PRKAR2B: variants seen among roughly 807,000 people sequenced by gnomAD.
PRKAR2B encodes cAMP-dependent protein kinase type II-beta regulatory subunit.
A neutral mutation model predicts 49.9 loss-of-function variants in PRKAR2B; 14 were observed. That is an observed-to-expected ratio of 0.28 (90% CI 0.19 to 0.44). PRKAR2B has a LOEUF of 0.44. PRKAR2B is among the 20% of genes least tolerant of loss of function. PRKAR2B has a pLI of 1.00. For synonymous variants in PRKAR2B, 196 were observed against 197.7 expected, an observed-to-expected ratio of 0.99 and a Z score of 0.07; for missense variants, 393 against 537.9, an observed-to-expected ratio of 0.73 and a Z score of 2.67.
intron 4 of PRKAR2B, among the ~76,000 whole-genome samples, chr7:107,140,036 A>G (rs933886081): frequency 6.6e-6 from 1 of 152,174 alleles, no homozygotes; most frequent in African/African-American, 2.4e-5. Context: ...ATTGTATTGT[A>G]TTATTTCCTC....
At chr7:107,057,774 AAC>A (rs1319297822) in intron 1 of PRKAR2B, among the ~76,000 whole-genome samples, 3 of 152,174 alleles carry the variant, frequency 2.0e-5, no homozygotes, top group East Asian at 1.9e-4. Flanking sequence ...GTTAAAAAAA[AAC>A]ACAACAAAAC....
chr7:107,045,328 C>A lies in PRKAR2B; in HGVS notation c.307+114C>A, dbSNP rs545473131. ...CGCACCCACCTCTCCCCGCATTCTCCACCTTTCCCTACCTTCCCATCTCGC... is the reference window on the plus strand; with the variant it reads ...CGCACCCACCTCTCCCCGCATTCTCAACCTTTCCCTACCTTCCCATCTCGC... On this transcript the variant is annotated intron_variant, in intron 1 of 10. Coordinates refer to ENST00000265717, the MANE Select transcript of PRKAR2B (RefSeq NM_002736.3). The A allele has an allele frequency of 2.0e-5, 18 of 920,490 alleles. No homozygotes were observed. The South Asian group carries it at 2.9e-4, about 15-fold the overall frequency. The allele number at this position is 920,490 out of a possible 1,614,324, so 57.0% of individuals were successfully genotyped here.
chr7:107,064,032 C>T (rs1357721482), intron 1 of PRKAR2B, among the ~76,000 whole-genome samples: 2 of 152,140 alleles, frequency 1.3e-5, no homozygotes, highest in Non-Finnish European at 2.9e-5. Context: ...TTGACAGTGG[C>T]GTTTCCCACT....
intron 2 of PRKAR2B, among the ~76,000 whole-genome samples, chr7:107,081,440 T>A (rs990006872): frequency 7.0e-6 from 1 of 143,070 alleles, no homozygotes; most frequent in African/African-American, 2.6e-5. Flanking sequence ...CCCAGCTACT[T>A]CTTTGGAGCT....
chr7:107,052,288 G>A (rs963423615), intron 1 of PRKAR2B, among the ~76,000 whole-genome samples: 3 of 152,068 alleles, frequency 2.0e-5, no homozygotes, highest in African/African-American at 4.8e-5. Flanking sequence ...GCGTGGTGGC[G>A]GGCGCCTTAA....
At chr7:107,083,181 C>T (rs965170789) in intron 2 of PRKAR2B, among the ~76,000 whole-genome samples, 3 of 150,242 alleles carry the variant, frequency 2.0e-5, no homozygotes, top group Non-Finnish European at 3.0e-5. Context: ...TGTGCTACTA[C>T]GCTCCAGCCT....
chr7:107,101,875 C>CTTTTTTTTTTTTTTTTTTTTTTTTTTT (rs10589473), intron 2 of PRKAR2B, among the ~76,000 whole-genome samples: 2 of 94,256 alleles, frequency 2.1e-5, no homozygotes, highest in Non-Finnish European at 4.0e-5. Flanking sequence ...AGCCCTGATC[C>CTTTTTTTTTTTTTTTTTTTTTTTTTTT]TTTTTTTTTT....
chr7:107,156,953 C>T (rs774668793), intron 8 of PRKAR2B, 31 bp from the exon 9 acceptor site: 1 of 1,563,676 alleles, frequency 6.4e-7, no homozygotes, highest in Non-Finnish European at 8.8e-7. Flanking sequence ...TTTGCATTTT[C>T]ACCGTCTGTT....
intron 6 of PRKAR2B, among the ~76,000 whole-genome samples, chr7:107,149,361 T>C (rs1795944288): frequency 2.0e-5 from 3 of 152,188 alleles, no homozygotes; most frequent in South Asian, 4.1e-4. Flanking sequence ...CAGACTGTTA[T>C]AGAATGGGTG....
intron 2 of PRKAR2B, among the ~76,000 whole-genome samples, chr7:107,084,928 A>G (rs1584419479): frequency 6.6e-6 from 1 of 152,004 alleles, no homozygotes; most frequent in Non-Finnish European, 1.5e-5. Flanking sequence ...CCCGGCCTAT[A>G]TACTTTTGAA....
At chr7:107,070,632 G>C (rs907177812) in intron 2 of PRKAR2B, among the ~76,000 whole-genome samples, 1 of 152,138 alleles carries the variant, frequency 6.6e-6, no homozygotes, top group African/African-American at 2.4e-5. Context: ...ATAGAATTAC[G>C]ATCTGTATGG....
chr7:107,068,820 T>A (rs1253062695), intron 1 of PRKAR2B: 2 of 152,234 alleles, frequency 1.3e-5, no homozygotes, highest in Admixed American at 6.5e-5. Flanking sequence ...TGATGCAAGA[T>A]ACTCGTAAAT....
At chr7:107,108,121 A>G (rs1490231446) in intron 2 of PRKAR2B, among the ~76,000 whole-genome samples, 1 of 152,172 alleles carries the variant, frequency 6.6e-6, no homozygotes, top group Non-Finnish European at 1.5e-5. Context: ...AACCTGGAAC[A>G]TGAAATGCCA....
At chr7:107,159,052 C>A (rs1385138933) in intron 10 of PRKAR2B, among the ~76,000 whole-genome samples, 4 of 152,168 alleles carry the variant, frequency 2.6e-5, no homozygotes, top group Admixed American at 2.6e-4. Flanking sequence ...GCATTTTAAA[C>A]CCTGAGAAGG....
chr7:107,052,131 T>C (rs1193966173), intron 1 of PRKAR2B, among the ~76,000 whole-genome samples: 1 of 152,160 alleles, frequency 6.6e-6, no homozygotes, highest in Non-Finnish European at 1.5e-5. Context: ...AATGGTGTCC[T>C]TTTAGGCCGG....
intron 3 of PRKAR2B, 94 bp from the exon 4 acceptor site, chr7:107,128,118 A>C: frequency 1.2e-6 from 1 of 800,402 alleles, no homozygotes; most frequent in Non-Finnish European, 2.0e-6. Context: ...TCTTCTTTCT[A>C]ATGTTGGTTC....
intron 3 of PRKAR2B, among the ~76,000 whole-genome samples, chr7:107,126,587 T>C (rs778196285): frequency 9.9e-5 from 15 of 152,166 alleles, no homozygotes; most frequent in Admixed American, 2.0e-4. Flanking sequence ...TACTGATGCC[T>C]GATGCACTCT....
At chr7:107,062,953 A>G (rs1584405967) in intron 1 of PRKAR2B, among the ~76,000 whole-genome samples, 1 of 152,094 alleles carries the variant, frequency 6.6e-6, no homozygotes, top group African/African-American at 2.4e-5. Flanking sequence ...TTTAGCCAGT[A>G]CTATATATTT....
chr7:107,088,238 G>A (rs1010927731), intron 2 of PRKAR2B, among the ~76,000 whole-genome samples: 4 of 152,074 alleles, frequency 2.6e-5, no homozygotes, highest in Admixed American at 6.6e-5. Context: ...TCATAGGGGC[G>A]GAAACCTCGT....
Sources: gnomAD v4.1 joint callset for allele counts (sites outside exome capture counted in the v4.1 genomes callset) on GRCh38, gnomAD v4.1.1 for gene constraint, MANE v1.5 for transcripts, NCBI Gene and HGNC (gene_info 2026-07-23, HGNC 2026-07-21) for gene names.